The following BMP6 variants were observed in gnomAD, a reference collection of about 807,000 sequenced individuals.
BMP6 encodes the protein VG-1-R.
In BMP6, 17 loss-of-function variants were observed where a neutral mutation model predicts 54.1. The observed-to-expected ratio is 0.31, with a 90% CI of 0.22 to 0.47. The LOEUF is 0.47. BMP6 is among the 20% of genes least tolerant of loss of function. The pLI is 1.00. For missense variants in BMP6, 720 were observed against 690.4 expected, an observed-to-expected ratio of 1.04 and a Z score of -0.48; for synonymous variants, 328 against 291.2, an observed-to-expected ratio of 1.13 and a Z score of -1.28.
At chr6:7,823,992 A>T (rs1758654137) in intron 1 of BMP6, among the ~76,000 whole-genome samples, 1 of 152,216 alleles carries the variant, frequency 6.6e-6, no homozygotes, top group Non-Finnish European at 1.5e-5. Flanking sequence ...GCCACTGTGT[A>T]GAGAATAGGC....
At chr6:7,744,184 T>C (rs908884944) in intron 1 of BMP6, among the ~76,000 whole-genome samples, 2 of 152,210 alleles carry the variant, frequency 1.3e-5, no homozygotes, top group African/African-American at 4.8e-5. Context: ...TTGATACATT[T>C]CAAAGTAAAG....
chr6:7,762,590 A>C (rs552834296), intron 1 of BMP6, among the ~76,000 whole-genome samples: 36 of 152,368 alleles, frequency 2.4e-4, no homozygotes, highest in Non-Finnish European at 3.7e-4. Context: ...AAAACGGCAC[A>C]TAAATTCTAT....
chr6:7,876,063 A>G (rs1467439327), intron 4 of BMP6, among the ~76,000 whole-genome samples: 1 of 152,158 alleles, frequency 6.6e-6, no homozygotes, highest in Non-Finnish European at 1.5e-5. Context: ...TGTCGTGGGA[A>G]ATGGGGCTCT....
At position 7,816,721 on chromosome 6, in the gene BMP6, C is replaced by T. The variant is rs117164552; in HGVS notation, c.665-28419C>T. ...TGATTAAAGTGCACAGCAGAGTATA[C>T]TTTGTTTTGGTAGTGATTGTTTTTT... On this transcript the variant is annotated intron_variant, in intron 1 of 6. Coordinates refer to ENST00000283147, the MANE Select transcript of BMP6 (RefSeq NM_001718.6). Among the ~76,000 whole-genome samples the T allele has an allele frequency of 6.0e-4, 91 of 152,116 alleles. 1 individual carries two copies. The East Asian group carries it at 0.014, about 24-fold the overall frequency.
chr6:7,738,998 C>G (rs1581227379), intron 1 of BMP6, among the ~76,000 whole-genome samples: 1 of 152,172 alleles, frequency 6.6e-6, no homozygotes, highest in Non-Finnish European at 1.5e-5. Flanking sequence ...GGCTTGTTTT[C>G]TTGGATCAGA....
At position 7,881,346 on chromosome 6, in the gene BMP6, A is replaced by C. The variant is rs1759722837; in HGVS notation, c.*1003A>C. On this transcript the variant is annotated 3_prime_UTR_variant, in exon 7 of 7. Coordinates refer to ENST00000283147, the MANE Select transcript of BMP6 (RefSeq NM_001718.6). ...AGATTAAATTTTAGAATATTTTCTA[A>C]ATGTCTTTTTCACAATCATGTACTG... The C allele has an allele frequency of 6.6e-6, 1 of 152,642 alleles. No homozygotes were observed. Among genetic ancestry groups the C allele is most frequent in the South Asian group, 2.1e-4 (1 of 4,828 alleles). 9.5% of individuals were successfully genotyped at this position (152,642 alleles called of 1,614,324 possible).
Position 7,881,508 on chromosome 6 carries a change from A to G in BMP6, c.*1165A>G, listed in dbSNP as rs1759732681. 1 of 152,506 alleles carries G rather than the reference A, an allele frequency of 6.6e-6. No individual in the cohort carries two copies. The highest frequency in any genetic ancestry group is 6.5e-5 in the Admixed American group (1 of 15,280). The allele number at this position is 152,506 out of a possible 1,614,324, so 9.4% of individuals were successfully genotyped here. ...CTGTTTTGCTGTAACATTGAAGGAAAGACCAGACTTTTAAAAAAAAAGAGT... is the reference window on the plus strand; with the variant it reads ...CTGTTTTGCTGTAACATTGAAGGAAGGACCAGACTTTTAAAAAAAAAGAGT... On this transcript the variant is annotated 3_prime_UTR_variant, in exon 7 of 7. Transcript: ENST00000283147.
intron 4 of BMP6, among the ~76,000 whole-genome samples, chr6:7,875,129 G>A (rs545079865): frequency 6.6e-6 from 1 of 152,198 alleles, no homozygotes; most frequent in South Asian, 2.1e-4. Flanking sequence ...TGAGTACTGG[G>A]GAGGGCTGCT....
chr6:7,878,041 G>C (rs759483225), intron 4 of BMP6, among the ~76,000 whole-genome samples: 1 of 151,956 alleles, frequency 6.6e-6, no homozygotes, highest in Non-Finnish European at 1.5e-5. Flanking sequence ...TATCTCATCC[G>C]ACCCTGCTTG....
At chr6:7,799,098 T>G (rs1487309898) in intron 1 of BMP6, among the ~76,000 whole-genome samples, 1 of 152,212 alleles carries the variant, frequency 6.6e-6, no homozygotes, top group African/African-American at 2.4e-5. Context: ...CATGAAAACT[T>G]TGGCTACTGC....
chr6:7,811,745 T>C (rs1299597739), intron 1 of BMP6, among the ~76,000 whole-genome samples: 4 of 152,174 alleles, frequency 2.6e-5, no homozygotes, highest in Non-Finnish European at 4.4e-5. Flanking sequence ...CTCCCTTTAT[T>C]AAATTCACAT....
intron 1 of BMP6, among the ~76,000 whole-genome samples, chr6:7,782,551 C>T (rs1005225465): frequency 6.6e-6 from 1 of 151,934 alleles, no homozygotes; most frequent in Non-Finnish European, 1.5e-5. Flanking sequence ...TCTCTACTAG[C>T]AATATAAAAC....
At chr6:7,759,865 G>A (rs1380236695) in intron 1 of BMP6, among the ~76,000 whole-genome samples, 1 of 151,066 alleles carries the variant, frequency 6.6e-6, no homozygotes, top group Non-Finnish European at 1.5e-5. Flanking sequence ...CACCATGCCT[G>A]GCTAATTTTT....
chr6:7,874,402 C>T (rs1048531699), intron 4 of BMP6, among the ~76,000 whole-genome samples: 8 of 152,194 alleles, frequency 5.3e-5, no homozygotes, highest in African/African-American at 1.7e-4. Flanking sequence ...GAAATTCTCT[C>T]ACCCCAGATG....
At chr6:7,732,880 T>G (rs1304851345) in intron 1 of BMP6, among the ~76,000 whole-genome samples, 2 of 148,660 alleles carry the variant, frequency 1.3e-5, no homozygotes, top group African/African-American at 5.0e-5. Context: ...ATATCAAAAA[T>G]GAACTATTCT....
At chr6:7,851,034 A>G (rs913270935) in intron 2 of BMP6, among the ~76,000 whole-genome samples, 2 of 152,118 alleles carry the variant, frequency 1.3e-5, no homozygotes, top group East Asian at 3.8e-4. Flanking sequence ...CAGTTTTATA[A>G]TAAGGCTTGA....
intron 2 of BMP6, among the ~76,000 whole-genome samples, chr6:7,860,051 A>T (rs1016413520): frequency 6.6e-6 from 1 of 152,216 alleles, no homozygotes; most frequent in African/African-American, 2.4e-5. Flanking sequence ...TCAATGAGAC[A>T]GTATGTTATT....
intron 1 of BMP6, among the ~76,000 whole-genome samples, chr6:7,804,533 T>C (rs1758317981): frequency 6.6e-6 from 1 of 152,160 alleles, no homozygotes; most frequent in Admixed American, 6.5e-5. Flanking sequence ...CAATTTCACA[T>C]TCAGTCTGGA....
At chr6:7,744,182 T>C (rs149089281) in intron 1 of BMP6, among the ~76,000 whole-genome samples, 1 of 152,334 alleles carries the variant, frequency 6.6e-6, no homozygotes, top group East Asian at 1.9e-4. Flanking sequence ...TTTTGATACA[T>C]TTCAAAGTAA....
Sources: gnomAD v4.1 joint callset for allele counts (sites outside exome capture counted in the v4.1 genomes callset) on GRCh38, gnomAD v4.1.1 for gene constraint, MANE v1.5 for transcripts, NCBI Gene and HGNC (gene_info 2026-07-23, HGNC 2026-07-21) for gene names.